CLDN16: variants seen among roughly 807,000 people sequenced by gnomAD.
CLDN16 encodes claudin-16.
Under a neutral mutation model 24.6 loss-of-function variants are expected in CLDN16, and 13 were observed. The observed-to-expected ratio is 0.53, with a 90% CI of 0.34 to 0.84. The LOEUF is 0.84. Ranked by LOEUF, CLDN16 falls within the 40% of genes least tolerant of loss-of-function variation. CLDN16 has a pLI of 0.01. For synonymous variants in CLDN16, 116 were observed against 106.7 expected (o/e 1.09, Z -0.54); for missense variants, 298 against 292.7 (o/e 1.02, Z -0.13).
chr3:190,347,239 G>C (rs1307604274), intron 1 of CLDN16, among the ~76,000 whole-genome samples: 1 of 152,174 alleles, frequency 6.6e-6, no homozygotes. Flanking sequence ...AATATTTTTA[G>C]AGTAGACTCA....
chr3:190,377,981 G>C (rs1718281104), intron 3 of CLDN16, among the ~76,000 whole-genome samples: 1 of 151,954 alleles, frequency 6.6e-6, no homozygotes, highest in African/African-American at 2.4e-5. Flanking sequence ...GGATAACAAA[G>C]TAGAAGTCTA....
chr3:190,308,137 G>T, the CLDN16 span: 4 of 1,026,252 alleles, frequency 3.9e-6, no homozygotes, highest in South Asian at 3.9e-5. Context: ...TAACACATGG[G>T]TTTTTTGTTT....
At chr3:190,331,516 T>A (rs1717179493) in intron 1 of CLDN16, among the ~76,000 whole-genome samples, 1 of 152,190 alleles carries the variant, frequency 6.6e-6, no homozygotes, top group Admixed American at 6.5e-5. Flanking sequence ...TTTTAATTAA[T>A]GAAAATTAAA....
intron 3 of CLDN16, among the ~76,000 whole-genome samples, chr3:190,380,758 C>T (rs375424201): frequency 6.6e-6 from 1 of 151,816 alleles, no homozygotes; most frequent in Non-Finnish European, 1.5e-5. Context: ...GCCTGGGCGA[C>T]AAGAGTAAAA....
chr3:190,327,427 T>G lies in CLDN16; in HGVS notation n.121+4766T>G, dbSNP rs150333306. ...ACATAAAATCAACCATCACACTCAC[T>G]AACACTTACTGATCATTTAGATTCT... On this transcript the variant is annotated intron_variant and non_coding_transcript_variant, in intron 1 of 4. Coordinates refer to the CLDN16 transcript ENST00000468220. Among the ~76,000 whole-genome samples the G allele has an allele frequency of 3.7e-3, 569 of 152,282 alleles. 5 individuals carry two copies. Among genetic ancestry groups the G allele is most frequent in the African/African-American group, 0.013 (542 of 41,558 alleles).
At chr3:190,330,029 C>A (rs1159651092) in intron 1 of CLDN16, among the ~76,000 whole-genome samples, 1 of 151,390 alleles carries the variant, frequency 6.6e-6, no homozygotes, top group Non-Finnish European at 1.5e-5. Flanking sequence ...GAAGAAATAT[C>A]TCAACCGTCC....
At chr3:190,380,127 T>TTCCTTCCTTCCTTC (rs1560091443) in intron 3 of CLDN16, among the ~76,000 whole-genome samples, 6 of 11,112 alleles carry the variant, frequency 5.4e-4, no homozygotes, top group African/African-American at 2.1e-3. Flanking sequence ...TTCCTTCCTT[T>TTCCTTCCTTCCTTC]CTTCCTTCCT....
chr3:190,292,377 G>A, the CLDN16 span, among the ~76,000 whole-genome samples: 9 of 152,158 alleles, frequency 5.9e-5, no homozygotes, highest in Non-Finnish European at 7.3e-5. Context: ...GGAATGCATG[G>A]CATCAAGTTT....
intron 1 of CLDN16, among the ~76,000 whole-genome samples, chr3:190,358,328 T>C (rs1717819427): frequency 6.6e-6 from 1 of 151,998 alleles, no homozygotes; most frequent in Admixed American, 6.6e-5. Flanking sequence ...AAAGCATGTC[T>C]TCTCTAATAA....
At chr3:190,324,745 C>G (rs143934796) in intron 1 of CLDN16, among the ~76,000 whole-genome samples, 17 of 152,300 alleles carry the variant, frequency 1.1e-4, no homozygotes, top group Non-Finnish European at 1.6e-4. Flanking sequence ...CACTGTGATT[C>G]AGGCCCATCT....
intron 1 of CLDN16, among the ~76,000 whole-genome samples, chr3:190,340,932 A>G (rs191927870): frequency 8.5e-5 from 13 of 152,260 alleles, no homozygotes; most frequent in Admixed American, 8.5e-4. Flanking sequence ...TCAAATCTTA[A>G]AGCTCCAAAA....
chr3:190,298,477 C>T, the CLDN16 span, among the ~76,000 whole-genome samples: 2 of 132,946 alleles, frequency 1.5e-5, no homozygotes, highest in East Asian at 2.6e-4. Context: ...GTATTTGAGA[C>T]GGAGTTTTGC....
At chr3:190,370,473 C>T (rs927075593) in intron 1 of CLDN16, among the ~76,000 whole-genome samples, 6 of 151,910 alleles carry the variant, frequency 3.9e-5, no homozygotes, top group Non-Finnish European at 8.8e-5. Context: ...TCACTCATTA[C>T]GGCTTGGTTG....
In CLDN16 at chr3:190,404,864, C is replaced by T; in HGVS notation, c.320C>T (p.Pro107Leu). The change falls in exon 3 of 5, where the codon CCT (proline) becomes CTT (leucine). Residue 107 changes from proline (P) to leucine (L), a missense_variant. Transcript: ENST00000264734. ...GGTCTTGACTGCGTGAAATTCCTCC[C>T]TGATGAGCCGTACATTAAAGTCCGC... ...LLGLDCVKFL[P>L]DEPYIKVRIC... The T allele has an allele frequency of 1.9e-6, 3 of 1,614,106 alleles. No individual in the cohort carries two copies. Among genetic ancestry groups the T allele is most frequent in the South Asian group, 2.2e-5 (2 of 91,078 alleles).
intron 1 of CLDN16, among the ~76,000 whole-genome samples, chr3:190,364,368 T>C (rs922312656): frequency 6.6e-6 from 1 of 151,968 alleles, no homozygotes; most frequent in Non-Finnish European, 1.5e-5. Context: ...TGGATGTACC[T>C]CTTCTAACAA....
intron 3 of CLDN16, among the ~76,000 whole-genome samples, chr3:190,406,190 T>G (rs1719093739): frequency 6.6e-6 from 1 of 152,212 alleles, no homozygotes; most frequent in South Asian, 2.1e-4. Flanking sequence ...ACCCTTTGTA[T>G]GCTCAGAACT....
chr3:190,351,743 A>G (rs186130203), intron 1 of CLDN16, among the ~76,000 whole-genome samples: 1 of 152,288 alleles, frequency 6.6e-6, no homozygotes, highest in Non-Finnish European at 1.5e-5. Context: ...AAAATAACCA[A>G]GAAACAAACT....
chr3:190,395,397 C>T (rs909961240), intron 1 of CLDN16, among the ~76,000 whole-genome samples: 1 of 151,916 alleles, frequency 6.6e-6, no homozygotes, highest in African/African-American at 2.4e-5. Context: ...TAGTCTTGCT[C>T]CCTCATCTTT....
upstream of CLDN16, chr3:190,388,085 C>A (rs376639837): frequency 6.4e-5 from 103 of 1,601,536 alleles, 1 homozygote; most frequent in South Asian, 1.0e-3. Context: ...CTTGCACTGA[C>A]CTGCCTTCTG....
Sources: allele counts gnomAD v4.1 joint callset (sites outside exome capture counted in the v4.1 genomes callset), GRCh38; gene constraint gnomAD v4.1.1; transcripts MANE v1.5; gene names NCBI Gene and HGNC (gene_info 2026-07-23, HGNC 2026-07-21).